NHS: variants seen among roughly 807,000 people sequenced by gnomAD.
NHS encodes NHS actin remodeling regulator, also known as actin remodeling regulator NHS.
Under a neutral mutation model 72.5 loss-of-function variants are expected in NHS, and 5 were observed. The ratio of observed to expected loss-of-function variants is 0.07; its 90% CI spans 0.04 to 0.14. The LOEUF (loss-of-function observed/expected upper bound fraction) is 0.14, where lower values mean the gene tolerates loss of function less well. Among genes scored for constraint, NHS ranks in the 10% least tolerant of loss-of-function variants. The probability of loss-of-function intolerance (pLI) is 1.00; values close to 1 mark genes in which losing one functional copy is unlikely to be tolerated. For missense variants in NHS, 1,072 were observed against 1,355.7 expected (o/e 0.79, Z 3.29); for synonymous variants, 464 against 547.7 (o/e 0.85, Z 2.13).
In NHS at chrX:17,724,310, G is replaced by A. The variant is rs749657664; in HGVS notation, c.1120G>A (p.Asp374Asn). 3.3e-6 allele frequency: 4 copies of A among 1,211,765 alleles called. No homozygotes were observed. The Admixed American group carries it at 8.7e-5, about 26-fold the overall frequency. The change falls in exon 6 of 9, where the codon GAC (aspartate) becomes AAC (asparagine). Residue 374 changes from aspartate (D) to asparagine (N), a missense_variant. Transcript: ENST00000676302. ...IPINVTGVGFDREASIRCSLV... is the reference protein window; with the variant it reads ...IPINVTGVGFNREASIRCSLV... ...TTTGTGGGTTGCAGGAGTTGGCTTT[G>A]ACAGAGAGGCTAGTATACGCTGCTC...
intron 8 of NHS, among the ~76,000 whole-genome samples, chrX:17,731,224 CTTTTTTTTTTTT>C (rs142686353): frequency 8.6e-5 from 3 of 34,820 alleles, no homozygotes; most frequent in African/African-American, 2.5e-4. Flanking sequence ...TAGTTTCTTC[CTTTTTTTTTTTT>C]TTTTTTTTTT....
chrX:17,547,622 A>T (rs1397772743), intron 1 of NHS, among the ~76,000 whole-genome samples: 4 of 112,721 alleles, frequency 3.5e-5, no homozygotes, highest in Non-Finnish European at 7.5e-5. Context: ...ACCAAATGTG[A>T]TTTAATGTTT....
At position 17,675,519 on chromosome X, in the gene NHS, C is replaced by T. The variant is rs770575031; in HGVS notation, c.566-12223C>T. On this transcript the variant is annotated intron_variant, in intron 1 of 8. Coordinates refer to ENST00000676302, the MANE Select transcript of NHS (RefSeq NM_001291867.2). ...ATACCCCTACCATGCAGAATGTGGT[C>T]TCTAAAGTCTGTTTCCTCTGAGAGG... Among the ~76,000 whole-genome samples, 6 of 112,069 alleles carry T rather than the reference C, an allele frequency of 5.4e-5. No homozygotes were observed. In the East Asian group the frequency reaches 1.7e-3, roughly 31 times the overall value.
At chrX:17,569,126 A>T (rs1185020806) in intron 1 of NHS, among the ~76,000 whole-genome samples, 1 of 111,844 alleles carries the variant, frequency 8.9e-6, no homozygotes, top group Non-Finnish European at 1.9e-5. Context: ...CAATAAACAT[A>T]CGTGTGCATG....
chrX:17,660,640 C>T (rs753231255), intron 1 of NHS, among the ~76,000 whole-genome samples: 2 of 112,278 alleles, frequency 1.8e-5, no homozygotes, highest in Non-Finnish European at 3.8e-5. Context: ...CATAGTCTTT[C>T]CCAGTGGTCT....
At chrX:17,706,000 G>A (rs924012517) in intron 3 of NHS, among the ~76,000 whole-genome samples, 1 of 111,123 alleles carries the variant, frequency 9.0e-6, no homozygotes, top group African/African-American at 3.3e-5. Context: ...ACCAGCCTGG[G>A]CAACATAGCA....
intron 1 of NHS, among the ~76,000 whole-genome samples, chrX:17,571,027 A>T (rs1459268721): frequency 8.9e-6 from 1 of 111,827 alleles, no homozygotes; most frequent in Non-Finnish European, 1.9e-5. Context: ...AGCCAACTTG[A>T]TTGTGGTGGA....
At chrX:17,673,063 A>G (rs937971334) in intron 1 of NHS, among the ~76,000 whole-genome samples, 12 of 110,480 alleles carry the variant, frequency 1.1e-4, no homozygotes, top group South Asian at 3.9e-4. Flanking sequence ...AAAAAGGACC[A>G]CAAGATATAC....
chrX:17,529,543 A>C (rs1388312125), intron 1 of NHS, among the ~76,000 whole-genome samples: 2 of 111,635 alleles, frequency 1.8e-5, no homozygotes, highest in Admixed American at 9.5e-5. Flanking sequence ...GAAGCCGACA[A>C]AGAAAGCTGA....
chrX:17,669,100 G>C (rs1052653408), intron 1 of NHS, among the ~76,000 whole-genome samples: 2 of 112,178 alleles, frequency 1.8e-5, no homozygotes, highest in Non-Finnish European at 1.9e-5. Flanking sequence ...ACCCCATCAC[G>C]CTTTATCACC....
chrX:17,463,760 A>C (rs990567129), intron 1 of NHS, among the ~76,000 whole-genome samples: 1 of 112,298 alleles, frequency 8.9e-6, no homozygotes, highest in Non-Finnish European at 1.9e-5. Context: ...CAGGATGAAG[A>C]CCTAAAGATC....
chrX:17,677,978 TTTGTTGTTG>T (rs748502100), intron 1 of NHS, among the ~76,000 whole-genome samples: 1 of 109,840 alleles, frequency 9.1e-6, no homozygotes, highest in East Asian at 2.9e-4. Context: ...TTTTTGAGGT[TTTGTTGTTG>T]TTGTTGTTGT....
intron 1 of NHS, among the ~76,000 whole-genome samples, chrX:17,550,642 C>G (rs1382127126): frequency 8.9e-6 from 1 of 111,840 alleles, no homozygotes; most frequent in Non-Finnish European, 1.9e-5. Flanking sequence ...GAGAGGACAC[C>G]CAAGCCACTG....
chrX:17,615,257 T>TAC (rs753115668), intron 1 of NHS, among the ~76,000 whole-genome samples: 2 of 97,514 alleles, frequency 2.1e-5, no homozygotes, highest in Admixed American at 1.1e-4. Flanking sequence ...TACACATATA[T>TAC]ACACATATAT....
chrX:17,671,877 C>T (rs1250343048), intron 1 of NHS, among the ~76,000 whole-genome samples: 1 of 111,984 alleles, frequency 8.9e-6, no homozygotes, highest in Non-Finnish European at 1.9e-5. Flanking sequence ...GACATAAAAG[C>T]ATCCATTGAC....
At position 17,654,486 on chromosome X, in the gene NHS, A is replaced by G. The variant is rs193269576; in HGVS notation, c.566-33256A>G. On this transcript the variant is annotated intron_variant, in intron 1 of 8. Coordinates refer to ENST00000676302, the MANE Select transcript of NHS (RefSeq NM_001291867.2). ...CTAGGTGATACTTCATGTGACCACA[A>G]TCATTAATTCACAGTAATGCCAATT... is the stretch of plus-strand genomic sequence containing the variant. Among the ~76,000 whole-genome samples the G allele has an allele frequency of 2.6e-4, 29 of 112,852 alleles. 1 individual carries two copies. Among genetic ancestry groups the G allele is most frequent in the Admixed American group, 1.6e-3 (17 of 10,749 alleles).
intron 1 of NHS, among the ~76,000 whole-genome samples, chrX:17,559,187 G>A (rs1453114721): frequency 8.9e-6 from 1 of 111,963 alleles, no homozygotes; most frequent in African/African-American, 3.3e-5. Flanking sequence ...TGAGATTTTG[G>A]CTTAGTAGAG....
At chrX:17,541,159 A>G (rs2065260556) in intron 1 of NHS, among the ~76,000 whole-genome samples, 1 of 112,311 alleles carries the variant, frequency 8.9e-6, no homozygotes, top group South Asian at 3.7e-4. Context: ...CTTTCTCCAC[A>G]ATGCCATGTG....
intron 1 of NHS, among the ~76,000 whole-genome samples, chrX:17,437,112 T>A (rs1195207150): frequency 9.0e-6 from 1 of 111,484 alleles, no homozygotes; most frequent in African/African-American, 3.3e-5. Context: ...AAACATGCGG[T>A]GGGCCATTAG....
Sources: gnomAD v4.1 joint callset for allele counts (sites outside exome capture counted in the v4.1 genomes callset) on GRCh38, gnomAD v4.1.1 for gene constraint, MANE v1.5 for transcripts, NCBI Gene and HGNC (gene_info 2026-07-23, HGNC 2026-07-21) for gene names.